WARS1: variants seen among roughly 807,000 people sequenced by gnomAD.
WARS1 encodes the protein tryptophan--tRNA ligase, cytoplasmic.
A neutral mutation model predicts 47.8 loss-of-function variants in WARS1; 17 were observed. The ratio of observed to expected loss-of-function variants is 0.36; its 90% CI spans 0.24 to 0.53. The LOEUF is 0.53. Ranked by LOEUF, WARS1 falls within the 20% of genes least tolerant of loss-of-function variation. The probability of loss-of-function intolerance (pLI) is 0.91; values close to 1 mark genes in which losing one functional copy is unlikely to be tolerated. For synonymous variants in WARS1, 208 were observed against 228.1 expected, an observed-to-expected ratio of 0.91 and a Z score of 0.79; for missense variants, 434 against 608.0, an observed-to-expected ratio of 0.71 and a Z score of 3.01.
In WARS1 at chr14:100,360,541, A is replaced by T. The variant is rs1193300914; in HGVS notation, c.422+13T>A. The T allele has an allele frequency of 6.3e-7, 1 of 1,597,798 alleles. No individual in the cohort carries two copies. Among genetic ancestry groups the T allele is most frequent in the Non-Finnish European group, 8.5e-7 (1 of 1,170,264 alleles). On this transcript the variant is annotated intron_variant, in intron 4 of 10. Coordinates refer to ENST00000392882, the MANE Select transcript of WARS1 (RefSeq NM_004184.4). ...AGGACAGGTGAGAAGGCCTGTGGTG[A>T]AGAGCCCCTGACCTGTGTGAGAAGA...
chr14:100,354,407 C>T, intron 5 of WARS1, 40 bp downstream of exon 5: 2 of 1,599,104 alleles, frequency 1.3e-6, no homozygotes, highest in South Asian at 2.3e-5. Flanking sequence ...ATTCTCAATT[C>T]ACTAAGAGAG....
Position 100,346,786 on chromosome 14 carries a change from T to C in WARS1, c.786A>G (p.Gln262=), listed in dbSNP as rs1361413387. 3 of 1,614,188 alleles carry C rather than the reference T, an allele frequency of 1.9e-6. No individual in the cohort carries two copies. The highest frequency in any genetic ancestry group is 1.7e-5 in the Admixed American group (1 of 60,032). Residue 262 remains glutamine (Q), a synonymous_variant, in exon 7 of 11, where the codon CAA becomes CAG. Coordinates refer to ENST00000392882, the MANE Select transcript of WARS1 (RefSeq NM_004184.4). ...CAGTGAAGCCGAAAATGCCTTTCAC[T>C]TGGTTGAAGGTAACATGCTTTTGAA... ...VKIQKHVTFN[Q]VKGIFGFTDS...
Position 100,346,858 on chromosome 14 carries a change from A to AG in WARS1, c.726-13_726-12insC. ...AACCTGAGCTCATCCTGCAAAGACA[A>AG]CGAGAATGAAATCCCAAACGGAGGG... is the stretch of plus-strand genomic sequence containing the variant. On this transcript the variant is annotated splice_polypyrimidine_tract_variant and intron_variant, in intron 6 of 10. Transcript: ENST00000392882. The AG allele has an allele frequency of 6.2e-7, 1 of 1,609,052 alleles. No homozygotes were observed. The highest frequency in any genetic ancestry group is 1.1e-5 in the South Asian group (1 of 90,876).
At chr14:100,361,308 G>C (rs892732090) in intron 3 of WARS1, among the ~76,000 whole-genome samples, 1 of 152,224 alleles carries the variant, frequency 6.6e-6, no homozygotes, top group Non-Finnish European at 1.5e-5. Flanking sequence ...AGAAGTCACT[G>C]CTCTTAAGCT....
rs1276999898 is a variant in WARS1, at chr14:100,360,614, T to C, written c.362A>G (p.Glu121Gly). Residue 121 changes from glutamate (E) to glycine (G), a missense_variant, in exon 4 of 11, where the codon GAG becomes GGG. Around this residue, in one of 2 missense-constraint regions of WARS1, gnomAD observed 347 missense variants for 523.8 expected, o/e 0.66. Coordinates refer to ENST00000392882, the MANE Select transcript of WARS1 (RefSeq NM_004184.4). ...GTGTGGTCTTTGGCCGGTGGCTCTC[T>C]CTATTCGGTTTATTAGCTCTTTGTC... ...KIDKELINRIERATGQRPHHF... is the reference protein window; with the variant it reads ...KIDKELINRIGRATGQRPHHF... 3 of 1,613,894 alleles carry C rather than the reference T, an allele frequency of 1.9e-6. No homozygotes were observed. The highest frequency in any genetic ancestry group is 2.7e-5 in the African/African-American group (2 of 74,942).
chr14:100,367,394 C>T (rs1336436439), intron 2 of WARS1, among the ~76,000 whole-genome samples: 3 of 151,920 alleles, frequency 2.0e-5, no homozygotes, highest in African/African-American at 7.3e-5. Flanking sequence ...TTGAGATCAG[C>T]CTGGCTAATA....
At chr14:100,343,975 A>G (rs1894351368) in intron 7 of WARS1, among the ~76,000 whole-genome samples, 1 of 152,122 alleles carries the variant, frequency 6.6e-6, no homozygotes, top group Non-Finnish European at 1.5e-5. Context: ...TGTTGTTACT[A>G]AGTATATTCT....
Position 100,360,620 on chromosome 14 carries a change from C to T in WARS1, c.356G>A (p.Arg119Gln), listed in dbSNP as rs768173713. 8 of 1,613,664 alleles carry T rather than the reference C, an allele frequency of 5.0e-6. No individual in the cohort carries two copies. The highest frequency in any genetic ancestry group is 4.5e-5 in the East Asian group (2 of 44,896). The change falls in exon 4 of 11, where the codon CGA (arginine) becomes CAA (glutamine). Residue 119 changes from arginine (R) to glutamine (Q), a missense_variant. By Grantham distance (43) the Arg-to-Gln change is conservative. Transcript: ENST00000392882. ...SSKIDKELIN[R>Q]IERATGQRPH... ...TCTTTGGCCGGTGGCTCTCTCTATT[C>T]GGTTTATTAGCTCTTTGTCAATTTT... is the stretch of plus-strand genomic sequence containing the variant.
intron 9 of WARS1, chr14:100,340,331 G>A (rs555219885): frequency 2.0e-5 from 3 of 152,374 alleles, no homozygotes; most frequent in African/African-American, 4.8e-5. Context: ...TGGGTGACCA[G>A]TGTGACTCTG....
intron 2 of WARS1, chr14:100,368,535 A>G (rs1255417576): frequency 2.2e-6 from 1 of 454,640 alleles, no homozygotes; most frequent in Non-Finnish European, 4.4e-6. Flanking sequence ...TAACCAAAAG[A>G]TCGGCTAAAA....
chr14:100,354,166 A>C (rs1007828157), intron 5 of WARS1: 4 of 506,174 alleles, frequency 7.9e-6, no homozygotes, highest in African/African-American at 7.7e-5. Flanking sequence ...GTGGAAACTT[A>C]GGCTCAGAGA....
At chr14:100,356,510 A>G (rs1354815174) in intron 4 of WARS1, among the ~76,000 whole-genome samples, 4 of 152,174 alleles carry the variant, frequency 2.6e-5, no homozygotes, top group Admixed American at 6.5e-5. Flanking sequence ...ATAAGGGAAT[A>G]CTATGAATAA....
intron 4 of WARS1, among the ~76,000 whole-genome samples, chr14:100,357,979 C>A (rs1339157682): frequency 6.6e-6 from 1 of 152,128 alleles, no homozygotes; most frequent in Non-Finnish European, 1.5e-5. Flanking sequence ...TTTAAGATGG[C>A]AATACTCCAC....
intron 6 of WARS1, chr14:100,352,877 G>A (rs1484766288): frequency 6.6e-6 from 1 of 152,236 alleles, no homozygotes; most frequent in Non-Finnish European, 1.5e-5. Context: ...GATGAAACTT[G>A]AAGGATTTTC....
intron 7 of WARS1, 57 bp from the exon 8 acceptor site, chr14:100,343,444 A>T (rs1362714313): frequency 3.8e-6 from 5 of 1,311,176 alleles, no homozygotes; most frequent in Non-Finnish European, 5.3e-6. Flanking sequence ...CTGCTTAGTT[A>T]ATAAAGGAAT....
intron 6 of WARS1, among the ~76,000 whole-genome samples, chr14:100,350,599 G>T (rs1173698990): frequency 1.3e-5 from 2 of 152,072 alleles, no homozygotes; most frequent in Non-Finnish European, 2.9e-5. Flanking sequence ...TGCATCTATT[G>T]GCTGAATCAG....
At chr14:100,367,608 C>CAAA (rs35916618) in intron 2 of WARS1, among the ~76,000 whole-genome samples, 150 of 29,652 alleles carry the variant, frequency 5.1e-3, no homozygotes, top group Middle Eastern at 0.015. Flanking sequence ...GGTGGGGTGG[C>CAAA]AAAAAAAAAA....
In WARS1 at chr14:100,355,185, A is replaced by C. The variant is rs141511330; in HGVS notation, c.423-619T>G. On this transcript the variant is annotated intron_variant, in intron 4 of 10. Coordinates refer to ENST00000392882, the MANE Select transcript of WARS1 (RefSeq NM_004184.4). ...CCACCTCCAGAGACTGATTCAATGG[A>C]TCTGAGGTGCTCTCTGGGAATGTGT... Among the ~76,000 whole-genome samples the C allele has an allele frequency of 3.2e-3, 486 of 152,076 alleles. 3 individuals are homozygous for C. The highest frequency in any genetic ancestry group is 0.011 in the African/African-American group (462 of 41,462).
At chr14:100,364,125 C>A (rs1895814888) in intron 2 of WARS1, among the ~76,000 whole-genome samples, 1 of 152,104 alleles carries the variant, frequency 6.6e-6, no homozygotes. Flanking sequence ...CAGTGAGGTG[C>A]CTGCTTGTGC....
Sources: allele counts gnomAD v4.1 joint callset (sites outside exome capture counted in the v4.1 genomes callset), GRCh38; gene constraint gnomAD v4.1.1; regional missense constraint gnomAD v4.1.1; transcripts MANE v1.5; gene names NCBI Gene and HGNC (gene_info 2026-07-23, HGNC 2026-07-21).